MYO5A: variants seen among roughly 807,000 people sequenced by gnomAD.
The protein encoded by MYO5A is unconventional myosin-Va.
MYO5A carries 98 observed loss-of-function variants against 249.7 expected under a neutral mutation model. The observed-to-expected ratio is 0.39, with a 90% CI of 0.33 to 0.46. The LOEUF (loss-of-function observed/expected upper bound fraction) is 0.46, where lower values mean the gene tolerates loss of function less well. Ranked by LOEUF, MYO5A falls within the 20% of genes least tolerant of loss-of-function variation. The probability of loss-of-function intolerance (pLI) is 0.98; values close to 1 mark genes in which losing one functional copy is unlikely to be tolerated. For synonymous variants in MYO5A, 778 were observed against 810.6 expected, an observed-to-expected ratio of 0.96 and a Z score of 0.68; for missense variants, 1,696 against 2,308.8, an observed-to-expected ratio of 0.73 and a Z score of 5.44.
At chr15:52,457,777 G>A (rs2076149116) in intron 1 of MYO5A, among the ~76,000 whole-genome samples, 1 of 152,128 alleles carries the variant, frequency 6.6e-6, no homozygotes, top group South Asian at 2.1e-4. Context: ...TCAAGGGAAA[G>A]GAAATCAGTA....
At chr15:52,345,527 G>A (rs2039579222) in intron 30 of MYO5A, among the ~76,000 whole-genome samples, 1 of 151,190 alleles carries the variant, frequency 6.6e-6, no homozygotes, top group African/African-American at 2.4e-5. Context: ...GGAGGTTGCA[G>A]TGAGCTGAGA....
At chr15:52,504,955 C>T (rs2141596514) in intron 1 of MYO5A, among the ~76,000 whole-genome samples, 1 of 151,976 alleles carries the variant, frequency 6.6e-6, no homozygotes, top group Non-Finnish European at 1.5e-5. Flanking sequence ...GTATCCTTAA[C>T]AAGAAGTCCA....
chr15:52,485,332 T>C (rs2076797975), intron 1 of MYO5A, among the ~76,000 whole-genome samples: 2 of 151,664 alleles, frequency 1.3e-5, no homozygotes, highest in Non-Finnish European at 2.9e-5. Context: ...TTTTAGGGTA[T>C]TGAATTTGAA....
chr15:52,521,579 G>A (rs147079622), intron 1 of MYO5A, among the ~76,000 whole-genome samples: 2 of 152,146 alleles, frequency 1.3e-5, no homozygotes, highest in African/African-American at 4.8e-5. Flanking sequence ...TGAACACTTA[G>A]TGCATTATGT....
chr15:52,384,360 C>T (rs763752922), intron 14 of MYO5A, 38 bp from the exon 15 acceptor site: 18 of 1,602,604 alleles, frequency 1.1e-5, no homozygotes, highest in South Asian at 7.7e-5. Flanking sequence ...ACATTCTAAA[C>T]CAAACTTGAA....
At position 52,313,432 on chromosome 15, in the gene MYO5A, C is replaced by T. The variant is rs1596259406; in HGVS notation, c.*264G>A. 2.2e-6 allele frequency: 1 copy of T among 452,436 alleles called. No individual in the cohort carries two copies. Among genetic ancestry groups the T allele is most frequent in the Non-Finnish European group, 4.0e-6 (1 of 247,422 alleles). The allele number at this position is 452,436 out of a possible 1,614,324, so 28.0% of individuals were successfully genotyped here. ...TTCTCCTCCTTTCCTTCCTCCCTTC[C>T]TTCCATCATTCTCCTGTATGTAAAC... is the stretch of plus-strand genomic sequence containing the variant. On this transcript the variant is annotated 3_prime_UTR_variant, in exon 42 of 42. Transcript: ENST00000399233.
chr15:52,333,102 C>T (rs2140965991), intron 34 of MYO5A, among the ~76,000 whole-genome samples: 1 of 152,302 alleles, frequency 6.6e-6, no homozygotes, highest in African/African-American at 2.4e-5. Flanking sequence ...AAACCAGACC[C>T]TCTGAACTTG....
intron 24 of MYO5A, among the ~76,000 whole-genome samples, chr15:52,364,249 A>T (rs2040694382): frequency 6.6e-6 from 1 of 151,934 alleles, no homozygotes; most frequent in Admixed American, 6.6e-5. Flanking sequence ...AAAAAAAAAC[A>T]AAAACAAAAA....
chr15:52,417,294 A>T (rs1050564912), intron 4 of MYO5A, among the ~76,000 whole-genome samples: 13 of 152,208 alleles, frequency 8.5e-5, no homozygotes, highest in African/African-American at 3.1e-4. Context: ...CCACTTCAGG[A>T]GATACTCTTT....
chr15:52,405,034 C>A (rs555752673), intron 9 of MYO5A, among the ~76,000 whole-genome samples: 1 of 127,836 alleles, frequency 7.8e-6, no homozygotes, highest in African/African-American at 2.8e-5. Context: ...AACCCTCTCT[C>A]TTTCTCTCTC....
intron 1 of MYO5A, among the ~76,000 whole-genome samples, chr15:52,481,882 A>G (rs915744499): frequency 2.6e-5 from 4 of 152,226 alleles, no homozygotes; most frequent in African/African-American, 7.2e-5. Flanking sequence ...AGGAAAAGGT[A>G]TAAGTATGTG....
At chr15:52,374,986 A>C (rs1288058691) in intron 20 of MYO5A, among the ~76,000 whole-genome samples, 2 of 152,084 alleles carry the variant, frequency 1.3e-5, no homozygotes, top group African/African-American at 2.4e-5. Context: ...TTTAAAATGC[A>C]TTTCAGGCTG....
chr15:52,506,297 G>A (rs944943272), intron 1 of MYO5A, among the ~76,000 whole-genome samples: 10 of 152,124 alleles, frequency 6.6e-5, no homozygotes, highest in African/African-American at 2.4e-4. Context: ...CTTGCAGTAA[G>A]CCAAGACTGC....
chr15:52,513,172 C>T (rs189281802), intron 1 of MYO5A, among the ~76,000 whole-genome samples: 142 of 143,590 alleles, frequency 9.9e-4, no homozygotes, highest in African/African-American at 3.4e-3. Flanking sequence ...GGCTCACACC[C>T]GTAATCCCAG....
intron 16 of MYO5A, among the ~76,000 whole-genome samples, chr15:52,382,326 C>T (rs1261451637): frequency 6.6e-6 from 1 of 152,102 alleles, no homozygotes; most frequent in Non-Finnish European, 1.5e-5. Flanking sequence ...GCCTGTAATC[C>T]CACTGGGAGG....
intron 4 of MYO5A, among the ~76,000 whole-genome samples, chr15:52,418,389 T>C (rs1301569359): frequency 1.3e-5 from 2 of 152,190 alleles, no homozygotes; most frequent in Non-Finnish European, 2.9e-5. Flanking sequence ...CTAATCACTT[T>C]ATGGAAATAA....
chr15:52,341,193 C>T (rs2039366553), intron 31 of MYO5A, among the ~76,000 whole-genome samples: 1 of 152,182 alleles, frequency 6.6e-6, no homozygotes, highest in East Asian at 1.9e-4. Context: ...TTATATTCTA[C>T]TCCTATTCTG....
intron 7 of MYO5A, 61 bp downstream of exon 7, chr15:52,407,998 A>G: frequency 9.1e-7 from 1 of 1,097,594 alleles, no homozygotes; most frequent in African/African-American, 1.5e-5. Flanking sequence ...AAGTAAATTT[A>G]GGAACTTGGA....
At chr15:52,313,997 T>G in intron 41 of MYO5A, 126 bp downstream of exon 41, 1 of 1,308,344 alleles carries the variant, frequency 7.6e-7, no homozygotes, top group Non-Finnish European at 1.1e-6. Context: ...AATTAACTAT[T>G]ATCAAAAAAG....
Sources: gnomAD v4.1 joint callset for allele counts (sites outside exome capture counted in the v4.1 genomes callset) on GRCh38, gnomAD v4.1.1 for gene constraint, MANE v1.5 for transcripts, NCBI Gene and HGNC (gene_info 2026-07-23, HGNC 2026-07-21) for gene names.